The following KDM4B variants were observed in gnomAD, a reference collection of about 807,000 sequenced individuals.
The protein encoded by KDM4B is lysine-specific demethylase 4B.
KDM4B carries 32 observed loss-of-function variants against 125.2 expected under a neutral mutation model. The observed-to-expected ratio is 0.26, with a 90% CI of 0.19 to 0.34. The LOEUF (loss-of-function observed/expected upper bound fraction) is 0.34, where lower values mean the gene tolerates loss of function less well. KDM4B is among the 10% of genes least tolerant of loss of function. The probability of loss-of-function intolerance (pLI) is 1.00; values close to 1 mark genes in which losing one functional copy is unlikely to be tolerated. For missense variants in KDM4B, 1,190 were observed against 1,577.7 expected, an observed-to-expected ratio of 0.75 and a Z score of 4.16; for synonymous variants, 721 against 677.9, an observed-to-expected ratio of 1.06 and a Z score of -0.99.
At chr19:4,988,950 C>T (rs2034939401) in intron 1 of KDM4B, among the ~76,000 whole-genome samples, 4 of 152,206 alleles carry the variant, frequency 2.6e-5, no homozygotes, top group Admixed American at 2.0e-4. Context: ...CCTCAGCTCC[C>T]GAGGGGCTGC....
At chr19:5,149,650 G>A (rs1182883161) in intron 21 of KDM4B, among the ~76,000 whole-genome samples, 4 of 152,216 alleles carry the variant, frequency 2.6e-5, no homozygotes, top group Non-Finnish European at 5.9e-5. Context: ...CGCCCTTCAT[G>A]GGACAGTGTT....
At chr19:5,054,252 T>C (rs1308873604) in intron 6 of KDM4B, among the ~76,000 whole-genome samples, 1 of 152,186 alleles carries the variant, frequency 6.6e-6, no homozygotes, top group Non-Finnish European at 1.5e-5. Context: ...GGCAAATTTT[T>C]AAATTTTTTG....
chr19:5,009,867 G>T (rs955857886), intron 1 of KDM4B, among the ~76,000 whole-genome samples: 1 of 152,146 alleles, frequency 6.6e-6, no homozygotes, highest in Non-Finnish European at 1.5e-5. Context: ...GAGTAGCTGG[G>T]ATTACAGGTG....
intron 11 of KDM4B, among the ~76,000 whole-genome samples, chr19:5,126,475 A>G (rs1231493701): frequency 6.6e-6 from 1 of 152,160 alleles, no homozygotes; most frequent in Non-Finnish European, 1.5e-5. Context: ...CAGAGCCAGG[A>G]TGGGGACCCA....
intron 1 of KDM4B, among the ~76,000 whole-genome samples, chr19:5,014,555 G>T (rs1180174780): frequency 1.3e-5 from 2 of 152,068 alleles, no homozygotes; most frequent in Non-Finnish European, 2.9e-5. Context: ...GATTACAGGC[G>T]TGAGCCACCG....
intron 6 of KDM4B, among the ~76,000 whole-genome samples, chr19:5,057,209 C>T (rs1389090017): frequency 6.6e-6 from 1 of 152,178 alleles, no homozygotes; most frequent in Non-Finnish European, 1.5e-5. Context: ...CTGCTGGCGG[C>T]GCCCTTGCCT....
intron 21 of KDM4B, among the ~76,000 whole-genome samples, chr19:5,150,135 G>A (rs901826347): frequency 1.3e-5 from 2 of 152,220 alleles, no homozygotes; most frequent in Admixed American, 6.5e-5. Flanking sequence ...AGGCTGTCCC[G>A]TCCTCCGTCA....
chr19:5,145,529 C>T (rs936290022), intron 21 of KDM4B, among the ~76,000 whole-genome samples: 5 of 151,590 alleles, frequency 3.3e-5, no homozygotes, highest in South Asian at 2.1e-4. Flanking sequence ...TGCAGTGAGC[C>T]GAGATCACAC....
intron 1 of KDM4B, among the ~76,000 whole-genome samples, chr19:5,000,044 T>C (rs2035329492): frequency 1.5e-5 from 1 of 68,232 alleles, no homozygotes; most frequent in Non-Finnish European, 2.7e-5. Flanking sequence ...CACCCACCAA[T>C]CCCATTTACT....
intron 1 of KDM4B, among the ~76,000 whole-genome samples, chr19:4,988,144 G>C (rs2034904271): frequency 6.6e-6 from 1 of 152,224 alleles, no homozygotes; most frequent in Admixed American, 6.5e-5. Flanking sequence ...CTACCTGGGG[G>C]CTGCATCGGG....
rs1008140242 is a variant in KDM4B at position 5,151,570 on chromosome 19, C to T, written c.*59C>T. 28 of 1,261,262 alleles carry T rather than the reference C, an allele frequency of 2.2e-5. No individual in the cohort carries two copies. Among genetic ancestry groups the T allele is most frequent in the African/African-American group, 7.8e-5 (5 of 64,222 alleles). The allele number at this position is 1,261,262 out of a possible 1,614,324, so 78.1% of individuals were successfully genotyped here. ...CGGGGAGGCCATGGCATGCCCCGGG[C>T]GTTCGCTTGCTGTGAATTCCTGTCC... On this transcript the variant is annotated 3_prime_UTR_variant, in exon 23 of 23. Transcript: ENST00000159111.
At chr19:5,043,510 G>T (rs2036902816) in intron 5 of KDM4B, among the ~76,000 whole-genome samples, 1 of 148,482 alleles carries the variant, frequency 6.7e-6, no homozygotes, top group Non-Finnish European at 1.5e-5. Context: ...GTTTATCGGA[G>T]TGGGGGTGTC....
chr19:5,038,515 G>A (rs957291288), intron 3 of KDM4B, among the ~76,000 whole-genome samples: 5 of 152,228 alleles, frequency 3.3e-5, no homozygotes, highest in Middle Eastern at 3.2e-3. Flanking sequence ...GAAGGCACCG[G>A]GTTCCGGCTG....
intron 1 of KDM4B, among the ~76,000 whole-genome samples, chr19:4,989,630 C>G (rs1249354640): frequency 6.6e-6 from 1 of 151,772 alleles, no homozygotes; most frequent in African/African-American, 2.4e-5. Flanking sequence ...CATGAGCCAC[C>G]ATGCCCAGTC....
At position 5,082,445 on chromosome 19, in the gene KDM4B, G is replaced by A. The variant is rs2038328748; in HGVS notation, c.859G>A (p.Ala287Thr). The A allele has an allele frequency of 6.2e-7, 1 of 1,613,304 alleles. No individual in the cohort carries two copies. The highest frequency in any genetic ancestry group is 1.1e-5 in the South Asian group (1 of 91,034). The change falls in exon 9 of 23, where the codon GCA becomes ACA. Residue 287 changes from alanine to threonine, a missense_variant. Ala to Thr is a moderately conservative substitution (Grantham distance 58, BLOSUM62 0). This residue lies in a region of KDM4B where 75 missense variants were observed against 218.2 expected (regional missense o/e 0.34). Transcript: ENST00000159111. This position sits in a 1 kb window ranked among gnomAD's most constrained non-coding sequence, Gnocchi z 5.4. ...CGGCTTCAATCACGGGTTCAACTGC[G>A]CAGAATCTACCAACTTCGCCACCCT... ...HAGFNHGFNC[A>T]ESTNFATLRW... is the part of the protein sequence containing the mutation.
chr19:5,082,840 G>A lies in KDM4B; in HGVS notation c.918+336G>A, dbSNP rs2038344466. Among the ~76,000 whole-genome samples the A allele has an allele frequency of 6.6e-6, 1 of 152,180 alleles. No homozygotes were observed. Among genetic ancestry groups the A allele is most frequent in the African/African-American group, 2.4e-5 (1 of 41,444 alleles). On this transcript the variant is annotated intron_variant, in intron 9 of 22. Coordinates refer to ENST00000159111, the MANE Select transcript of KDM4B (RefSeq NM_015015.3). This position sits in a 1 kb window ranked among gnomAD's most constrained non-coding sequence, Gnocchi z 5.4. ...AGGGGTTGGGGTGTTTCCTCCACCAGCACCATTGTCCCCCCTGCTGGCTGG... is the reference window on the plus strand; with the variant it reads ...AGGGGTTGGGGTGTTTCCTCCACCAACACCATTGTCCCCCCTGCTGGCTGG...
intron 1 of KDM4B, among the ~76,000 whole-genome samples, chr19:4,992,222 C>G (rs910347119): frequency 2.6e-5 from 4 of 152,198 alleles, no homozygotes; most frequent in African/African-American, 9.6e-5. Flanking sequence ...TTTTACTGGT[C>G]TTTTCAAGGG....
chr19:5,143,318 C>A (rs75584422), intron 18 of KDM4B, among the ~76,000 whole-genome samples: 23 of 144,292 alleles, frequency 1.6e-4, no homozygotes, highest in Admixed American at 2.7e-4. Context: ...CACCCAGGCT[C>A]AAAAAAAAAA....
At chr19:4,994,079 G>A (rs1273900296) in intron 1 of KDM4B, among the ~76,000 whole-genome samples, 2 of 123,410 alleles carry the variant, frequency 1.6e-5, no homozygotes, top group African/African-American at 6.3e-5. Context: ...ACAGGGTTTC[G>A]ACCTCCCGGC....
Sources: gnomAD v4.1 joint callset for allele counts (sites outside exome capture counted in the v4.1 genomes callset) on GRCh38, gnomAD v4.1.1 for gene constraint, gnomAD v4.1.1 regional missense constraint, Gnocchi (gnomAD v3.1) non-coding constraint, MANE v1.5 for transcripts, NCBI Gene and HGNC (gene_info 2026-07-23, HGNC 2026-07-21) for gene names.